The following CHAF1A variants were observed in gnomAD, a reference collection of about 807,000 sequenced individuals.
CHAF1A encodes the protein CAF-1 subunit A.
CHAF1A carries 5 observed loss-of-function variants against 93.2 expected under a neutral mutation model. That is an observed-to-expected ratio of 0.05 (90% CI 0.03 to 0.11). The LOEUF (loss-of-function observed/expected upper bound fraction) is 0.11. Ranked by LOEUF, CHAF1A falls within the 10% of genes least tolerant of loss-of-function variation. The pLI is 1.00. For missense variants in CHAF1A, 1,102 were observed against 1,259.9 expected (o/e 0.87, Z 1.90); for synonymous variants, 504 against 510.3 (o/e 0.99, Z 0.17).
At chr19:4,421,058 C>T (rs1422743646) in intron 4 of CHAF1A, among the ~76,000 whole-genome samples, 2 of 152,120 alleles carry the variant, frequency 1.3e-5, no homozygotes, top group Non-Finnish European at 2.9e-5. Flanking sequence ...TAGAATGAGA[C>T]TCTATCTCCA....
intron 7 of CHAF1A, among the ~76,000 whole-genome samples, chr19:4,426,313 G>A (rs546025806): frequency 1.3e-3 from 183 of 145,980 alleles, no homozygotes; most frequent in African/African-American, 4.5e-3. Context: ...GACTACAAGC[G>A]CCCGCCACCA....
intron 1 of CHAF1A, among the ~76,000 whole-genome samples, chr19:4,403,348 C>T (rs1279046982): frequency 6.6e-6 from 1 of 152,186 alleles, no homozygotes; most frequent in Non-Finnish European, 1.5e-5. Context: ...ACCGTGACTT[C>T]CTCCTCCGTG....
downstream of CHAF1A, chr19:4,445,904 T>C: frequency 7.5e-7 from 1 of 1,337,776 alleles, no homozygotes; most frequent in South Asian, 1.4e-5. Context: ...TGCCAGTAAG[T>C]GGGAAAGCAG....
chr19:4,422,881 A>G lies in CHAF1A; in HGVS notation c.1247+86A>G, dbSNP rs1021376923. 4 of 1,270,732 alleles carry G rather than the reference A, an allele frequency of 3.1e-6. No individual in the cohort carries two copies. The highest frequency in any genetic ancestry group is 4.5e-6 in the Non-Finnish European group (4 of 897,804). The allele number at this position is 1,270,732 out of a possible 1,614,324, so 78.7% of individuals were successfully genotyped here. On this transcript the variant is annotated intron_variant, in intron 5 of 14. Coordinates refer to ENST00000301280, the MANE Select transcript of CHAF1A (RefSeq NM_005483.3). This position sits in a 1 kb window ranked among gnomAD's most constrained non-coding sequence, Gnocchi z 4.6. Reference sequence around the variant, plus strand: ...CACTCTGATGGGGCCTTTCCACTTCACAGGCAGATGGCGGCTCCCTTCAGT... The same window carrying G: ...CACTCTGATGGGGCCTTTCCACTTCGCAGGCAGATGGCGGCTCCCTTCAGT...
intron 7 of CHAF1A, 129 bp downstream of exon 7, chr19:4,424,003 C>T (rs1490124241): frequency 1.3e-6 from 1 of 770,248 alleles, no homozygotes; most frequent in Non-Finnish European, 2.2e-6. Context: ...ACCTAGGGCA[C>T]TTCCATTTCT....
At position 4,422,642 on chromosome 19, in the gene CHAF1A, A is replaced by G. The variant is rs1205905234; in HGVS notation, c.1094A>G (p.Lys365Arg). ...EEKEKLKEEA[K>R]RAKEEAKKKK... ...AAGGAGAAGCTGAAAGAGGAGGCCA[A>G]GCGGGCCAAGGAGGAGGCCAAGAAG... Residue 365 changes from lysine (K) to arginine (R), a missense_variant, in exon 5 of 15, where the codon AAG becomes AGG. Physicochemically the swap from Lys to Arg is conservative, Grantham distance 26 (BLOSUM62 2). Transcript: ENST00000301280. This position sits in a 1 kb window ranked among gnomAD's most constrained non-coding sequence, Gnocchi z 4.6. 1.9e-6 allele frequency: 3 copies of G among 1,601,914 alleles called. No individual in the cohort carries two copies. Among genetic ancestry groups the G allele is most frequent in the South Asian group, 1.1e-5 (1 of 89,524 alleles).
At chr19:4,445,517 G>A, downstream of CHAF1A, 2 of 1,613,942 alleles carry the variant, frequency 1.2e-6, no homozygotes, top group African/African-American at 1.3e-5. Context: ...CTTCTCGATG[G>A]CTGACAGGAG....
intron 1 of CHAF1A, among the ~76,000 whole-genome samples, chr19:4,405,523 G>T (rs575834429): frequency 6.6e-6 from 1 of 151,564 alleles, no homozygotes; most frequent in East Asian, 1.9e-4. Flanking sequence ...CAGGAGAATC[G>T]CTTGAACCCA....
chr19:4,447,454 A>G, downstream of CHAF1A: 1 of 1,379,240 alleles, frequency 7.3e-7, no homozygotes, highest in Non-Finnish European at 1.0e-6. Flanking sequence ...TAGCTCCTCC[A>G]GGGAGCCCAC....
downstream of CHAF1A, chr19:4,447,060 C>T (rs965490860): frequency 1.2e-5 from 9 of 775,800 alleles, no homozygotes; most frequent in Admixed American, 1.2e-4. Flanking sequence ...GGGGGTGCCT[C>T]AGTGCTGGAT....
At chr19:4,446,372 G>A (rs755544978), downstream of CHAF1A, 31 of 1,575,278 alleles carry the variant, frequency 2.0e-5, no homozygotes, top group Non-Finnish European at 2.5e-5. Context: ...CTCCCGCATG[G>A]CCTTGGTCCG....
At chr19:4,424,299 A>G (rs243365) in intron 7 of CHAF1A, among the ~76,000 whole-genome samples, 44,568 of 152,004 alleles carry the variant, frequency 0.29, 7,181 homozygotes, top group East Asian at 0.6. Flanking sequence ...CATGGAAACC[A>G]CAGCCCTCCT....
intron 3 of CHAF1A, among the ~76,000 whole-genome samples, chr19:4,412,567 C>A (rs1395262521): frequency 6.6e-6 from 1 of 151,948 alleles, no homozygotes. Flanking sequence ...AAGGACAGGA[C>A]ACAAGCACAT....
At chr19:4,411,445 A>T (rs243350) in intron 3 of CHAF1A, among the ~76,000 whole-genome samples, 1 of 151,554 alleles carries the variant, frequency 6.6e-6, no homozygotes, top group Non-Finnish European at 1.5e-5. Flanking sequence ...GGCCAGACTG[A>T]TTTCAAACTC....
intron 2 of CHAF1A, 48 bp from the exon 3 acceptor site, chr19:4,408,855 T>C: frequency 6.5e-7 from 1 of 1,548,380 alleles, no homozygotes; most frequent in Non-Finnish European, 8.7e-7. Context: ...TCATGAGTGG[T>C]TGTAACTTTA....
chr19:4,436,871 G>A (rs111866197), intron 13 of CHAF1A, among the ~76,000 whole-genome samples: 2 of 152,100 alleles, frequency 1.3e-5, no homozygotes, highest in African/African-American at 2.4e-5. Flanking sequence ...GGAAAATAGC[G>A]CCCTGAGCCC....
chr19:4,405,655 T>C (rs569866770), intron 1 of CHAF1A, among the ~76,000 whole-genome samples: 2 of 150,988 alleles, frequency 1.3e-5, no homozygotes, highest in Admixed American at 6.6e-5. Context: ...TAATTCTTCA[T>C]TGTGGTGTGC....
intron 1 of CHAF1A, among the ~76,000 whole-genome samples, chr19:4,404,941 T>C (rs1214827899): frequency 6.6e-6 from 1 of 152,188 alleles, no homozygotes; most frequent in Non-Finnish European, 1.5e-5. Flanking sequence ...GTGCTTTAAA[T>C]TGTGGTACCT....
chr19:4,445,343 C>T, downstream of CHAF1A: 1 of 1,318,208 alleles, frequency 7.6e-7, no homozygotes, highest in Non-Finnish European at 1.0e-6. Context: ...TGCCACGGGG[C>T]CCAATTCCAC....
Sources: gnomAD v4.1 joint callset for allele counts (sites outside exome capture counted in the v4.1 genomes callset) on GRCh38, gnomAD v4.1.1 for gene constraint, Gnocchi (gnomAD v3.1) non-coding constraint, MANE v1.5 for transcripts, NCBI Gene and HGNC (gene_info 2026-07-23, HGNC 2026-07-21) for gene names.